CEP135: variants seen among roughly 807,000 people sequenced by gnomAD.
CEP135 encodes the protein centrosomal protein of 135 kDa.
In CEP135, 142 loss-of-function variants were observed where a neutral mutation model predicts 157.3. The observed-to-expected ratio is 0.90, with a 90% confidence interval of 0.79 to 1.04. The LOEUF (loss-of-function observed/expected upper bound fraction) is 1.04, where lower values mean the gene tolerates loss of function less well. Among genes scored for constraint, CEP135 ranks in the 50% least tolerant of loss-of-function variants. CEP135 has a pLI of 0.00. For synonymous variants in CEP135, 396 were observed against 439.8 expected (o/e 0.90, Z 1.25); for missense variants, 1,317 against 1,309.2 (o/e 1.01, Z -0.09).
rs747411399 is a variant in CEP135 at position 56,017,764 on chromosome 4, C to G, written c.2919C>G (p.Asp973Glu). 4 of 1,613,896 alleles carry G rather than the reference C, an allele frequency of 2.5e-6. No individual in the cohort carries two copies. Among genetic ancestry groups the G allele is most frequent in the Non-Finnish European group, 3.4e-6 (4 of 1,179,954 alleles). Residue 973 changes from aspartate (D) to glutamate (E), a missense_variant, in exon 22 of 26, where the codon GAC (aspartate) becomes GAG (glutamate). Physicochemically the swap from Asp to Glu is conservative, Grantham distance 45. Coordinates refer to ENST00000257287, the MANE Select transcript of CEP135 (RefSeq NM_025009.5). Reference sequence around the variant, plus strand: ...ATGAGAAAGCAACAGTATTAAATGACTTGTCATCTCTTAGAGAACTTTGCA... The same window carrying G: ...ATGAGAAAGCAACAGTATTAAATGAGTTGTCATCTCTTAGAGAACTTTGCA... The part of the protein sequence containing the change: ...QEDEKATVLN[D>E]LSSLRELCIK...
chr4:55,963,232 T>C (rs1397340404), intron 6 of CEP135, among the ~76,000 whole-genome samples: 3 of 152,232 alleles, frequency 2.0e-5, no homozygotes, highest in Non-Finnish European at 2.9e-5. Flanking sequence ...CATTTCTGCA[T>C]TAGGTCTCCC....
chr4:56,028,125 T>C (rs563719230), intron 25 of CEP135, among the ~76,000 whole-genome samples: 1 of 152,346 alleles, frequency 6.6e-6, no homozygotes, highest in South Asian at 2.1e-4. Context: ...CTTTTGTCAG[T>C]TGAAGACACC....
At chr4:55,952,543 T>A (rs1031770588) in intron 2 of CEP135, 9 of 217,082 alleles carry the variant, frequency 4.1e-5, no homozygotes, top group African/African-American at 1.6e-4. Context: ...GTTCTTTTTT[T>A]TTCCCCCCCT....
intron 11 of CEP135, among the ~76,000 whole-genome samples, chr4:55,975,324 T>C (rs1408722401): frequency 6.6e-6 from 1 of 152,242 alleles, no homozygotes; most frequent in Non-Finnish European, 1.5e-5. Context: ...TGGCTTTGTA[T>C]GCATGGCAGG....
At chr4:55,993,747 C>T (rs184675267) in intron 15 of CEP135, among the ~76,000 whole-genome samples, 2 of 152,272 alleles carry the variant, frequency 1.3e-5, no homozygotes, top group East Asian at 3.9e-4. Flanking sequence ...AGGCTGTTTC[C>T]AGTCTTAGAA....
At chr4:56,019,782 A>G (rs1261597177) in intron 23 of CEP135, among the ~76,000 whole-genome samples, 14 of 144,194 alleles carry the variant, frequency 9.7e-5, no homozygotes, top group Middle Eastern at 3.4e-3. Flanking sequence ...CTAAAAATAC[A>G]AAAAAAAAAA....
chr4:55,995,948 TA>T (rs935526743), intron 15 of CEP135, among the ~76,000 whole-genome samples: 11 of 152,172 alleles, frequency 7.2e-5, no homozygotes, highest in African/African-American at 2.4e-4. Context: ...CCAGAGGGTA[TA>T]CTCTTATCTA....
chr4:55,963,303 T>G (rs1728739745), intron 6 of CEP135, among the ~76,000 whole-genome samples: 2 of 152,224 alleles, frequency 1.3e-5, no homozygotes, highest in African/African-American at 2.4e-5. Context: ...TAATCGTAAT[T>G]AGTTTTGTCC....
At chr4:56,019,684 C>T (rs1431950019) in intron 23 of CEP135, 129 bp downstream of exon 23, 4 of 694,490 alleles carry the variant, frequency 5.8e-6, no homozygotes, top group Non-Finnish European at 9.2e-6. Context: ...ACCTGTAATC[C>T]CAGCACTTTG....
intron 14 of CEP135, among the ~76,000 whole-genome samples, chr4:55,989,904 T>G (rs572252007): frequency 1.3e-5 from 2 of 152,164 alleles, no homozygotes; most frequent in African/African-American, 4.8e-5. Context: ...ACAATTCCCT[T>G]TCTAGATATG....
intron 24 of CEP135, among the ~76,000 whole-genome samples, chr4:56,022,395 A>G (rs1333596741): frequency 6.6e-6 from 1 of 152,108 alleles, no homozygotes; most frequent in East Asian, 1.9e-4. Context: ...GGGGGTAGGG[A>G]ATAGAGGTAG....
Position 55,965,994 on chromosome 4 carries a change from A to G in CEP135, c.1044+135A>G, listed in dbSNP as rs569567342. 13 of 697,298 alleles carry G rather than the reference A, an allele frequency of 1.9e-5. No homozygotes were observed. The African/African-American group carries it at 2.2e-4, about 12-fold the overall frequency. The allele number at this position is 697,298 out of a possible 1,614,324, so 43.2% of individuals were successfully genotyped here. A position where few individuals can be genotyped will look rare whatever the true frequency, so the allele number is the denominator to read the frequency against. Reference sequence around the variant, plus strand: ...TCTGTTTTTGTTTTTTTGCTTTGGTAATTCAGGGTTTTCTGAAGTGTTGTT... The same window carrying G: ...TCTGTTTTTGTTTTTTTGCTTTGGTGATTCAGGGTTTTCTGAAGTGTTGTT... On this transcript the variant is annotated intron_variant, in intron 8 of 25. Transcript: ENST00000257287.
At position 55,953,289 on chromosome 4, in the gene CEP135, T is replaced by C. The variant is rs763711570; in HGVS notation, c.304+14T>C. Reference sequence around the variant, plus strand: ...AACACGTTAAAGGTAAGTGAAAATTTGATAATTTTTAAAATGCAATGTCTT... The same window carrying C: ...AACACGTTAAAGGTAAGTGAAAATTCGATAATTTTTAAAATGCAATGTCTT... On this transcript the variant is annotated intron_variant, in intron 3 of 25. Transcript: ENST00000257287. 6.8e-7 allele frequency: 1 copy of C among 1,473,574 alleles called. No homozygotes were observed. Among genetic ancestry groups the C allele is most frequent in the Non-Finnish European group, 9.0e-7 (1 of 1,108,082 alleles). 91.3% of individuals were successfully genotyped at this position (1,473,574 alleles called of 1,614,324 possible).
Sources: gnomAD v4.1 joint callset for allele counts (sites outside exome capture counted in the v4.1 genomes callset) on GRCh38, gnomAD v4.1.1 for gene constraint, MANE v1.5 for transcripts, NCBI Gene and HGNC (gene_info 2026-07-23, HGNC 2026-07-21) for gene names.